Variants in RBAK observed in about 807,000 individuals in gnomAD.
RBAK encodes RB associated KRAB zinc finger, also known as RB-associated KRAB zinc finger protein.
A neutral mutation model predicts 65.8 loss-of-function variants in RBAK; 39 were observed. That is an observed-to-expected ratio of 0.59 (90% CI 0.46 to 0.77). The LOEUF (loss-of-function observed/expected upper bound fraction) is 0.77. Ranked by LOEUF, RBAK falls within the 30% of genes least tolerant of loss-of-function variation. RBAK has a pLI of 0.00. For synonymous variants in RBAK, 343 were observed against 289.7 expected (o/e 1.18, Z -1.87); for missense variants, 884 against 855.1 (o/e 1.03, Z -0.42).
intron 4 of RBAK, among the ~76,000 whole-genome samples, chr7:5,061,983 A>C (rs998751326): frequency 3.3e-5 from 5 of 152,120 alleles, no homozygotes; most frequent in African/African-American, 1.2e-4. Context: ...CTCCAGATGA[A>C]TGTGAATCCT....
At position 5,063,685 on chromosome 7, in the gene RBAK, T is replaced by C. The variant is rs778529872; in HGVS notation, c.239-10T>C. 6.4e-7 allele frequency: 1 copy of C among 1,566,058 alleles called. No homozygotes were observed. The highest frequency in any genetic ancestry group is 8.6e-7 in the Non-Finnish European group (1 of 1,159,900). ...ATTTACAAAGTTTGTTTACTATTTT[T>C]CCTTTTTAGAAGCCTGGAGAGTTGA... On this transcript the variant is annotated splice_polypyrimidine_tract_variant and intron_variant, in intron 4 of 4. Transcript: ENST00000396912.
In RBAK at chr7:5,064,989, T is replaced by C; in HGVS notation, c.1533T>C (p.Tyr511=). The change falls in exon 5 of 5, where the codon TAT becomes TAC. Residue 511 remains tyrosine (Y), a synonymous_variant. Transcript: ENST00000396912. The surrounding 1 kb of genome is among the most constrained non-coding windows in gnomAD (Gnocchi z 6.3). ...CAGCTCATTTAGAAGAGAAACCCTA[T>C]GAATGTAATGAATGTGGGAAAACCT... ...HHTAHLEEKP[Y]ECNECGKTFL... The C allele has an allele frequency of 6.2e-7, 1 of 1,614,056 alleles. No homozygotes were observed.
chr7:5,065,416 A>G lies in RBAK; in HGVS notation c.1960A>G (p.Asn654Asp), dbSNP rs780469425. The change falls in exon 5 of 5, where the codon AAT becomes GAT. Residue 654 changes from asparagine (N) to aspartate (D), a missense_variant. Transcript: ENST00000396912. This position sits in a 1 kb window ranked among gnomAD's most constrained non-coding sequence, Gnocchi z 5.3. ...SHSGEKPYEC[N>D]ECGKVFSQKS... The stretch of plus-strand genomic sequence containing the variant: ...TTCAGGAGAGAAACCCTATGAATGT[A>G]ATGAATGTGGGAAAGTCTTTTCTCA... 3.1e-6 allele frequency: 5 copies of G among 1,613,996 alleles called. No individual in the cohort carries two copies.
intron 4 of RBAK, among the ~76,000 whole-genome samples, chr7:5,059,471 G>A (rs1041560029): frequency 1.3e-5 from 2 of 151,742 alleles, no homozygotes; most frequent in African/African-American, 4.8e-5. Context: ...ACAGGCGCAC[G>A]CCACCATGCC....
chr7:5,065,484 G>C lies in RBAK; in HGVS notation c.2028G>C (p.Glu676Asp), dbSNP rs61735209. Residue 676 changes from glutamate to aspartate, a missense_variant, in exon 5 of 5, where the codon GAG becomes GAC. By Grantham distance (45) the Glu-to-Asp change is conservative (BLOSUM62 2). Coordinates refer to ENST00000396912, the MANE Select transcript of RBAK (RefSeq NM_021163.4). This position sits in a 1 kb window ranked among gnomAD's most constrained non-coding sequence, Gnocchi z 5.3. ...TACACTATAGAACTCATTCAGGAGA[G>C]AAACCCTATGAATGTAACGAGTGTG... Reference protein sequence around the residue: ...LTVHYRTHSGEKPYECNECGK... With the variant: ...LTVHYRTHSGDKPYECNECGK... 3.1e-6 allele frequency: 5 copies of C among 1,606,536 alleles called. No homozygotes were observed. The highest frequency in any genetic ancestry group is 4.3e-6 in the Non-Finnish European group (5 of 1,174,306).
At chr7:5,051,188 G>A (rs1562533547) in intron 2 of RBAK, among the ~76,000 whole-genome samples, 1 of 152,004 alleles carries the variant, frequency 6.6e-6, no homozygotes, top group Non-Finnish European at 1.5e-5. Context: ...ATTATTTTCT[G>A]TTCAGCATTT....
At chr7:5,051,960 C>T (rs1215536153) in intron 2 of RBAK, among the ~76,000 whole-genome samples, 1 of 152,152 alleles carries the variant, frequency 6.6e-6, no homozygotes, top group African/African-American at 2.4e-5. Flanking sequence ...TGTGTGCCTA[C>T]TTGTATCAAT....
At chr7:5,059,383 T>C (rs767128714) in intron 4 of RBAK, among the ~76,000 whole-genome samples, 20 of 152,016 alleles carry the variant, frequency 1.3e-4, no homozygotes, top group Admixed American at 2.6e-4. Context: ...TGCAATGGCA[T>C]GATCTCGGCT....
Position 5,064,877 on chromosome 7 carries a change from G to C in RBAK, c.1421G>C (p.Arg474Thr). The C allele has an allele frequency of 6.2e-7, 1 of 1,613,846 alleles. No homozygotes were observed. Among genetic ancestry groups the C allele is most frequent in the Non-Finnish European group, 8.5e-7 (1 of 1,179,878 alleles). ...KTFNLNSAFI[R>T]HRKVHTEEKS... Reference sequence around the variant, plus strand: ...TTCAATTTAAATTCAGCCTTCATTAGACATCGGAAAGTACACACAGAAGAG... The same window carrying C: ...TTCAATTTAAATTCAGCCTTCATTACACATCGGAAAGTACACACAGAAGAG... The change falls in exon 5 of 5, where the codon AGA becomes ACA. Residue 474 changes from arginine to threonine, a missense_variant. Physicochemically the swap from Arg to Thr is moderately conservative, Grantham distance 71 (BLOSUM62 -1). Coordinates refer to ENST00000396912, the MANE Select transcript of RBAK (RefSeq NM_021163.4). This position sits in a 1 kb window ranked among gnomAD's most constrained non-coding sequence, Gnocchi z 6.3.
intron 2 of RBAK, among the ~76,000 whole-genome samples, chr7:5,051,322 A>G (rs1264714415): frequency 1.3e-5 from 2 of 152,294 alleles, no homozygotes; most frequent in East Asian, 3.9e-4. Flanking sequence ...TTATATGCAT[A>G]TATACATATA....
At position 5,067,390 on chromosome 7, in the gene RBAK, T is replaced by G. The variant is rs1779246531; in HGVS notation, c.*1789T>G. On this transcript the variant is annotated 3_prime_UTR_variant, in exon 5 of 5. Coordinates refer to ENST00000396912, the MANE Select transcript of RBAK (RefSeq NM_021163.4). ...TGGAAAATGAAATTTTGAAAAGCAA[T>G]GCCACTTCAAAGATCCCTCAAGTGC... 2 of 152,132 alleles carry G rather than the reference T, an allele frequency of 1.3e-5. No individual in the cohort carries two copies. Among genetic ancestry groups the G allele is most frequent in the African/African-American group, 4.8e-5 (2 of 41,426 alleles). 9.4% of individuals were successfully genotyped at this position (152,132 alleles called of 1,614,324 possible). A position where few individuals can be genotyped will look rare whatever the true frequency, so the allele number is the denominator to read the frequency against.
chr7:5,060,564 A>C (rs571588734), intron 4 of RBAK, among the ~76,000 whole-genome samples: 24 of 152,334 alleles, frequency 1.6e-4, no homozygotes, highest in African/African-American at 5.8e-4. Context: ...AACTGGGAAG[A>C]GATTTGATAA....
In RBAK at chr7:5,067,636, C is replaced by T. The variant is rs1779251207; in HGVS notation, c.*2035C>T. 6.6e-6 allele frequency: 1 copy of T among 152,124 alleles called. No homozygotes were observed. The highest frequency in any genetic ancestry group is 1.5e-5 in the Non-Finnish European group (1 of 68,018). 9.4% of individuals were successfully genotyped at this position (152,124 alleles called of 1,614,324 possible). On this transcript the variant is annotated 3_prime_UTR_variant, in exon 5 of 5. Transcript: ENST00000396912. ...AAGTCGAATAATTGTCAAGGCTATC[C>T]TGTAGAATGGACAGAGAGGATTGAA...
Position 5,063,789 on chromosome 7 carries a change from T to C in RBAK, c.333T>C (p.Thr111=), listed in dbSNP as rs777387219. The stretch of plus-strand genomic sequence containing the variant: ...CTTGTATCAATAGCAAAACCCTGAC[T>C]GAAGAGAAAGAGAATACATTTAGTC... ...QAACINSKTL[T]EEKENTFSQI... Residue 111 remains threonine, a synonymous_variant, in exon 5 of 5, where the codon ACT becomes ACC. Transcript: ENST00000396912. 50 of 1,613,848 alleles carry C rather than the reference T, an allele frequency of 3.1e-5. No individual in the cohort carries two copies. The highest frequency in any genetic ancestry group is 4.0e-5 in the Non-Finnish European group (47 of 1,179,956).
intron 2 of RBAK, among the ~76,000 whole-genome samples, chr7:5,056,104 C>CTTTTT (rs887932671): frequency 7.4e-5 from 8 of 107,914 alleles, no homozygotes; most frequent in Non-Finnish European, 9.3e-5. Context: ...TTGCATTTTT[C>CTTTTT]TTTTTTTTTT....
chr7:5,047,056 A>G (rs1788004042), intron 1 of RBAK, among the ~76,000 whole-genome samples: 1 of 152,226 alleles, frequency 6.6e-6, no homozygotes, highest in Admixed American at 6.5e-5. Flanking sequence ...GAGAGCTCAC[A>G]TACTCAATTC....
In RBAK at chr7:5,046,374, A is replaced by C; in HGVS notation, c.-67A>C. 1.9e-6 allele frequency: 1 copy of C among 516,008 alleles called. No individual in the cohort carries two copies. The highest frequency in any genetic ancestry group is 3.9e-6 in the Non-Finnish European group (1 of 259,358). The allele number at this position is 516,008 out of a possible 1,614,324, so 32.0% of individuals were successfully genotyped here. ...CCCGGCCTCTCGGGAGCCGTGGGGC[A>C]GAGGCTGCGGAGCCCCAGAAGGGTA... is the stretch of plus-strand genomic sequence containing the variant. On this transcript the variant is annotated 5_prime_UTR_variant, in exon 1 of 5. Coordinates refer to ENST00000396912, the MANE Select transcript of RBAK (RefSeq NM_021163.4).
chr7:5,062,340 C>A (rs922935611), intron 4 of RBAK, among the ~76,000 whole-genome samples: 2 of 152,020 alleles, frequency 1.3e-5, no homozygotes, highest in Non-Finnish European at 1.5e-5. Context: ...GCTGGGCGTC[C>A]GGGGGAGACA....
chr7:5,052,200 T>C (rs1488052370), intron 2 of RBAK, among the ~76,000 whole-genome samples: 1 of 152,210 alleles, frequency 6.6e-6, no homozygotes, highest in Non-Finnish European at 1.5e-5. Context: ...GCATGCATGG[T>C]ATATCTTATT....
Sources: gnomAD v4.1 joint callset for allele counts (sites outside exome capture counted in the v4.1 genomes callset) on GRCh38, gnomAD v4.1.1 for gene constraint, Gnocchi (gnomAD v3.1) non-coding constraint, MANE v1.5 for transcripts, NCBI Gene and HGNC (gene_info 2026-07-23, HGNC 2026-07-21) for gene names.